The following PKHD1 variants were observed in gnomAD, a reference collection of about 807,000 sequenced individuals.
PKHD1 encodes the protein PKHD1 ciliary IPT domain containing fibrocystin/polyductin, also known as fibrocystin.
A neutral mutation model predicts 412.0 loss-of-function variants in PKHD1; 291 were observed. That is an observed-to-expected ratio of 0.71 (90% confidence interval 0.64 to 0.78). PKHD1 has a LOEUF of 0.78. Ranked by LOEUF, PKHD1 falls within the 30% of genes least tolerant of loss-of-function variation. The pLI is 0.00. For missense variants in PKHD1, 4,825 were observed against 4,950.7 expected, an observed-to-expected ratio of 0.97 and a Z score of 0.76; for synonymous variants, 1,777 against 1,821.5, an observed-to-expected ratio of 0.98 and a Z score of 0.62.
chr6:51,835,981 G>C (rs1245904532), intron 51 of PKHD1, among the ~76,000 whole-genome samples: 1 of 152,178 alleles, frequency 6.6e-6, no homozygotes, highest in African/African-American at 2.4e-5. Context: ...GAGTTAGAAA[G>C]ATTTCATAGA....
chr6:51,886,012 G>A, intron 44 of PKHD1, 40 bp from the exon 45 acceptor site: 1 of 1,161,520 alleles, frequency 8.6e-7, no homozygotes, highest in Non-Finnish European at 1.3e-6. Flanking sequence ...CAATTTTTAT[G>A]TTTCTAACTT....
At chr6:51,891,791 G>T (rs1015706774) in intron 43 of PKHD1, among the ~76,000 whole-genome samples, 1 of 151,418 alleles carries the variant, frequency 6.6e-6, no homozygotes, top group African/African-American at 2.4e-5. Flanking sequence ...AACTGAAAAA[G>T]ATTGCTCTTA....
At chr6:51,961,124 A>G (rs942761572) in intron 35 of PKHD1, among the ~76,000 whole-genome samples, 5 of 152,190 alleles carry the variant, frequency 3.3e-5, no homozygotes, top group Admixed American at 2.6e-4. Flanking sequence ...AGGTCCTCTC[A>G]TGATGTGTTA....
At chr6:51,944,219 C>T (rs965693342) in intron 36 of PKHD1, among the ~76,000 whole-genome samples, 1 of 152,100 alleles carries the variant, frequency 6.6e-6, no homozygotes, top group African/African-American at 2.4e-5. Context: ...AAAGCTCCCC[C>T]ACTGAGCACT....
intron 48 of PKHD1, 141 bp downstream of exon 48, chr6:51,867,722 C>T: frequency 1.3e-6 from 1 of 790,462 alleles, no homozygotes. Flanking sequence ...CAGCAGCTGT[C>T]AAAATTATTC....
At chr6:52,030,992 A>C (rs1802955510) in intron 29 of PKHD1, among the ~76,000 whole-genome samples, 1 of 152,192 alleles carries the variant, frequency 6.6e-6, no homozygotes. Flanking sequence ...GTAAAAAAAA[A>C]ATAGGACCAA....
intron 31 of PKHD1, among the ~76,000 whole-genome samples, chr6:52,026,627 T>G (rs2128148437): frequency 6.6e-6 from 1 of 152,370 alleles, no homozygotes; most frequent in Non-Finnish European, 1.5e-5. Context: ...CATTGAAGTC[T>G]TCTATCATTT....
At chr6:51,903,334 C>T (rs186136337) in intron 43 of PKHD1, among the ~76,000 whole-genome samples, 2 of 152,274 alleles carry the variant, frequency 1.3e-5, no homozygotes, top group Non-Finnish European at 2.9e-5. Flanking sequence ...GCCCACAGGT[C>T]GTATGCAGCC....
intron 35 of PKHD1, among the ~76,000 whole-genome samples, chr6:51,993,959 A>G (rs897462518): frequency 2.4e-4 from 36 of 152,130 alleles, no homozygotes; most frequent in African/African-American, 8.4e-4. Context: ...TGTTGTATGG[A>G]AGAAAAAAAA....
chr6:51,645,904 T>C (rs111924614), intron 63 of PKHD1, among the ~76,000 whole-genome samples: 1,605 of 152,308 alleles, frequency 0.011, 39 homozygotes, highest in African/African-American at 0.037. Flanking sequence ...GAAAACTGTC[T>C]GACATAGAAG....
chr6:51,699,920 A>AGTGTGTATGTGTGT (rs57760395), intron 60 of PKHD1, among the ~76,000 whole-genome samples: 8,868 of 137,836 alleles, frequency 0.064, 425 homozygotes, highest in Middle Eastern at 0.099. Flanking sequence ...ATATATATGG[A>AGTGTGTATGTGTGT]GTGTGTGTGT....
chr6:51,759,092 T>C (rs1314985496), intron 55 of PKHD1, among the ~76,000 whole-genome samples: 1 of 152,184 alleles, frequency 6.6e-6, no homozygotes, highest in Non-Finnish European at 1.5e-5. Flanking sequence ...TTTTGTAACT[T>C]CAGTTTAAAA....
intron 55 of PKHD1, among the ~76,000 whole-genome samples, chr6:51,755,533 C>A (rs1786844077): frequency 6.6e-6 from 1 of 152,198 alleles, no homozygotes; most frequent in Admixed American, 6.6e-5. Flanking sequence ...TCTTTCATCA[C>A]ATTATGAAAC....
chr6:51,658,905 C>G, intron 61 of PKHD1, 47 bp downstream of exon 61: 1 of 1,196,340 alleles, frequency 8.4e-7, no homozygotes. Flanking sequence ...TCAATATGGA[C>G]CTAAAAAATC....
chr6:52,069,630 A>G (rs1204426626), intron 10 of PKHD1, 103 bp from the exon 11 acceptor site: 1 of 842,342 alleles, frequency 1.2e-6, no homozygotes, highest in East Asian at 2.4e-5. Flanking sequence ...ACCTCTATTG[A>G]TCTTTAGAAC....
chr6:51,906,075 A>C, intron 41 of PKHD1, 140 bp downstream of exon 41: 1 of 714,664 alleles, frequency 1.4e-6, no homozygotes, highest in South Asian at 1.6e-5. Context: ...TAAATTTAGA[A>C]TGTTTTACTG....
chr6:51,657,396 C>A (rs538137529), intron 61 of PKHD1, among the ~76,000 whole-genome samples: 1 of 151,996 alleles, frequency 6.6e-6, no homozygotes, highest in South Asian at 2.1e-4. Context: ...ATTTCTTATT[C>A]GGGAGAAATT....
At chr6:51,895,972 C>T (rs555888814) in intron 43 of PKHD1, among the ~76,000 whole-genome samples, 4,787 of 152,202 alleles carry the variant, frequency 0.031, 284 homozygotes, top group African/African-American at 0.11. Flanking sequence ...GCTTAAAAAA[C>T]GGCACACCAC....
chr6:51,773,033 A>G (rs1158902188), intron 54 of PKHD1, among the ~76,000 whole-genome samples: 1 of 152,046 alleles, frequency 6.6e-6, no homozygotes, highest in Admixed American at 6.6e-5. Flanking sequence ...CCACATCACA[A>G]TAATCTAAAA....
Sources: allele counts gnomAD v4.1 joint callset (sites outside exome capture counted in the v4.1 genomes callset), GRCh38; gene constraint gnomAD v4.1.1; transcripts MANE v1.5; gene names NCBI Gene and HGNC (gene_info 2026-07-23, HGNC 2026-07-21).